Variants in RTL9 observed in about 807,000 individuals in gnomAD.
The protein encoded by RTL9 is retrotransposon Gag like 9.
RTL9 carries 19 observed loss-of-function variants against 44.7 expected under a neutral mutation model. The ratio of observed to expected loss-of-function variants is 0.42; its 90% CI spans 0.30 to 0.62. The LOEUF is 0.62. Ranked by LOEUF, RTL9 falls within the 20% of genes least tolerant of loss-of-function variation. The probability of loss-of-function intolerance (pLI) is 0.16; values close to 1 mark genes in which losing one functional copy is unlikely to be tolerated. For missense variants in RTL9, 1,105 were observed against 1,080.6 expected, an observed-to-expected ratio of 1.02 and a Z score of -0.32; for synonymous variants, 407 against 398.9, an observed-to-expected ratio of 1.02 and a Z score of -0.24.
chrX:110,373,073 A>C (rs764709762), intron 1 of RTL9, among the ~76,000 whole-genome samples: 2 of 112,225 alleles, frequency 1.8e-5, no homozygotes, highest in South Asian at 7.4e-4. Flanking sequence ...TTTAACCATC[A>C]CAGAAACCCT....
At chrX:110,395,229 C>T (rs1200726112) in intron 1 of RTL9, among the ~76,000 whole-genome samples, 1 of 112,172 alleles carries the variant, frequency 8.9e-6, no homozygotes, top group Non-Finnish European at 1.9e-5. Flanking sequence ...CTTCTGCCAT[C>T]CCTAACCTAG....
At chrX:110,435,704 C>A (rs1276627205) in intron 1 of RTL9, among the ~76,000 whole-genome samples, 1 of 111,929 alleles carries the variant, frequency 8.9e-6, no homozygotes, top group Non-Finnish European at 1.9e-5. Context: ...ACTGATTTCT[C>A]TGTTAAATCC....
At chrX:110,377,333 T>A (rs1273865281) in intron 1 of RTL9, among the ~76,000 whole-genome samples, 1 of 111,697 alleles carries the variant, frequency 9.0e-6, no homozygotes, top group Non-Finnish European at 1.9e-5. Flanking sequence ...CTCTTTAAAA[T>A]TCCGTGAAAT....
intron 1 of RTL9, among the ~76,000 whole-genome samples, chrX:110,413,337 T>G (rs1407450001): frequency 9.0e-6 from 1 of 111,499 alleles, no homozygotes; most frequent in Non-Finnish European, 1.9e-5. Flanking sequence ...GTGGACACTG[T>G]CCACACTCCC....
chrX:110,446,193 C>CG (rs2068907200), upstream of RTL9, among the ~76,000 whole-genome samples: 1 of 110,983 alleles, frequency 9.0e-6, no homozygotes, highest in Middle Eastern at 4.6e-3. Context: ...ATGGGACTTG[C>CG]GGGGAATGGG....
intron 1 of RTL9, among the ~76,000 whole-genome samples, chrX:110,370,501 G>T (rs949349120): frequency 1.8e-5 from 2 of 112,411 alleles, no homozygotes; most frequent in Non-Finnish European, 3.8e-5. Context: ...GAGCCACTGC[G>T]CCCGGCCTAT....
At chrX:110,429,458 G>GTTTTTTTTTTTTTGTTTTT (rs2068779291) in intron 1 of RTL9, among the ~76,000 whole-genome samples, 3 of 80,931 alleles carry the variant, frequency 3.7e-5, no homozygotes, top group African/African-American at 1.3e-4. Context: ...GAGAAAAAGT[G>GTTTTTTTTTTTTTGTTTTT]TTTTTTTTTT....
chrX:110,406,477 G>T (rs2068603101), intron 1 of RTL9, among the ~76,000 whole-genome samples: 1 of 112,102 alleles, frequency 8.9e-6, no homozygotes, highest in Non-Finnish European at 1.9e-5. Context: ...TGGTGTATGT[G>T]TGCCACATTT....
At chrX:110,410,592 T>A (rs1181866262) in intron 1 of RTL9, among the ~76,000 whole-genome samples, 1 of 112,022 alleles carries the variant, frequency 8.9e-6, no homozygotes, top group African/African-American at 3.2e-5. Context: ...CCACTTTACT[T>A]TTCTTTTTCT....
At chrX:110,363,807 G>T (rs1316890326) in intron 1 of RTL9, among the ~76,000 whole-genome samples, 1 of 111,125 alleles carries the variant, frequency 9.0e-6, no homozygotes, top group Non-Finnish European at 1.9e-5. Flanking sequence ...TATAACAAGT[G>T]CCTACAGAGT....
upstream of RTL9, among the ~76,000 whole-genome samples, chrX:110,414,595 C>CT (rs2068664572): frequency 1.8e-5 from 2 of 113,148 alleles, no homozygotes; most frequent in African/African-American, 6.4e-5. Context: ...AAGTCACTCA[C>CT]TAACGTGACA....
intron 1 of RTL9, among the ~76,000 whole-genome samples, chrX:110,361,613 T>C (rs966279663): frequency 1.8e-5 from 2 of 112,164 alleles, no homozygotes; most frequent in African/African-American, 6.5e-5. Context: ...CTTCAGGTGA[T>C]GGATCAAATA....
At chrX:110,411,188 A>G (rs182704691) in intron 1 of RTL9, among the ~76,000 whole-genome samples, 113 of 112,080 alleles carry the variant, frequency 1.0e-3, no homozygotes, top group African/African-American at 3.6e-3. Context: ...GGGTCAGGGA[A>G]GACTGTTCAA....
At chrX:110,422,913 A>C (rs1244674022) in intron 1 of RTL9, among the ~76,000 whole-genome samples, 1 of 112,664 alleles carries the variant, frequency 8.9e-6, no homozygotes, top group Non-Finnish European at 1.9e-5. Flanking sequence ...TTCTCAGTGC[A>C]TGTCCAAACA....
intron 1 of RTL9, among the ~76,000 whole-genome samples, chrX:110,406,126 T>G (rs1348939926): frequency 3.6e-5 from 4 of 110,437 alleles, no homozygotes; most frequent in Non-Finnish European, 7.6e-5. Context: ...TTTTTTTTTT[T>G]CTTCAAGTTC....
intron 1 of RTL9, among the ~76,000 whole-genome samples, chrX:110,384,227 G>C (rs1164916417): frequency 1.8e-5 from 2 of 110,994 alleles, no homozygotes; most frequent in South Asian, 3.9e-4. Flanking sequence ...CTCCCCCATA[G>C]TGCCTGGTGT....
chrX:110,373,983 T>A (rs919269921), intron 1 of RTL9, among the ~76,000 whole-genome samples: 2 of 111,910 alleles, frequency 1.8e-5, no homozygotes, highest in African/African-American at 6.5e-5. Context: ...AGCATGGCAC[T>A]ATAAAAATGC....
At position 110,434,256 on chromosome X, in the gene RTL9, C is replaced by T. The variant is rs1254844670; in HGVS notation, c.-167-10897C>T. Among the ~76,000 whole-genome samples the T allele has an allele frequency of 2.7e-5, 3 of 111,608 alleles. No individual in the cohort carries two copies. The Admixed American group carries it at 2.9e-4, about 11-fold the overall frequency. ...GTATTTGGGGTCAGCTATTCAGAGC[C>T]CTATTGGCCAAGCTGAAGGTTTTGT... is the stretch of plus-strand genomic sequence containing the variant. On this transcript the variant is annotated intron_variant, in intron 1 of 3. Transcript: ENST00000465301.
intron 1 of RTL9, among the ~76,000 whole-genome samples, chrX:110,367,266 C>G (rs1459681467): frequency 8.9e-6 from 1 of 111,898 alleles, no homozygotes; most frequent in Non-Finnish European, 1.9e-5. Context: ...TTCTCTCCTC[C>G]TCAGAGCAAA....
Sources: gnomAD v4.1 joint callset for allele counts (sites outside exome capture counted in the v4.1 genomes callset) on GRCh38, gnomAD v4.1.1 for gene constraint, MANE v1.5 for transcripts, NCBI Gene and HGNC (gene_info 2026-07-23, HGNC 2026-07-21) for gene names.